Variants in DNAH17 observed in about 807,000 individuals in gnomAD.
DNAH17 encodes axonemal beta dynein heavy chain 17.
DNAH17 carries 376 observed loss-of-function variants against 485.6 expected under a neutral mutation model. The observed-to-expected ratio is 0.77, with a 90% CI of 0.71 to 0.84. DNAH17 has a LOEUF of 0.84. Ranked by LOEUF, DNAH17 falls within the 40% of genes least tolerant of loss-of-function variation. DNAH17 has a pLI of 0.00. For missense variants in DNAH17, 6,370 were observed against 5,839.3 expected (o/e 1.09, Z -2.96); for synonymous variants, 3,031 against 2,405.9 (o/e 1.26, Z -7.60).
intron 74 of DNAH17, among the ~76,000 whole-genome samples, chr17:78,437,061 C>G (rs2086872435): frequency 6.6e-6 from 1 of 152,204 alleles, no homozygotes; most frequent in South Asian, 2.1e-4. Context: ...CAACCAGCAG[C>G]CACTACAGCT....
chr17:78,539,492 T>G (rs1309106694), intron 18 of DNAH17, among the ~76,000 whole-genome samples: 2 of 152,020 alleles, frequency 1.3e-5, no homozygotes, highest in African/African-American at 4.8e-5. Context: ...TCTCTTGAGG[T>G]TTTCTGCAGC....
chr17:78,446,335 G>A (rs945839738), intron 69 of DNAH17, among the ~76,000 whole-genome samples: 7 of 151,780 alleles, frequency 4.6e-5, no homozygotes, highest in East Asian at 3.9e-4. Context: ...ACTCCCCATC[G>A]CCCCTTGCCT....
chr17:78,463,074 C>T lies in DNAH17; in HGVS notation c.8944G>A (p.Glu2982Lys), dbSNP rs1173087641. The change falls in exon 57 of 81, where the codon GAA becomes AAA. Residue 2982 changes from glutamate to lysine, a missense_variant. Glu to Lys is a moderately conservative substitution (Grantham distance 56). Coordinates refer to ENST00000389840, the MANE Select transcript of DNAH17 (RefSeq NM_173628.4). ...AAGAAGCTGATGGAGGCCTTGACTT[C>T]CCACTACAAAGATGAGACAGCCAGT... Reference protein sequence around the residue: ...FLEETEGIPWEVKASISFFMS... With the variant: ...FLEETEGIPWKVKASISFFMS... 2 of 1,613,496 alleles carry T rather than the reference C, an allele frequency of 1.2e-6. No individual in the cohort carries two copies. Among genetic ancestry groups the T allele is most frequent in the Admixed American group, 3.3e-5 (2 of 59,956 alleles).
chr17:78,554,593 A>T (rs1287308904), intron 14 of DNAH17, among the ~76,000 whole-genome samples: 1 of 152,152 alleles, frequency 6.6e-6, no homozygotes, highest in Non-Finnish European at 1.5e-5. Context: ...TCCCTTAAAT[A>T]ATAAGCACCA....
Position 78,476,649 on chromosome 17 carries a change from C to T in DNAH17, c.8077G>A (p.Gly2693Ser), listed in dbSNP as rs758787089. The T allele has an allele frequency of 8.1e-6, 13 of 1,612,626 alleles. No individual in the cohort carries two copies. Among genetic ancestry groups the T allele is most frequent in the Admixed American group, 1.7e-5 (1 of 59,802 alleles). Residue 2693 changes from glycine to serine, a missense_variant, in exon 52 of 81, where the codon GGT becomes AGT. By Grantham distance (56) the Gly-to-Ser change is moderately conservative. Transcript: ENST00000389840. Reference sequence around the variant, plus strand: ...TCTTTTTCGTCAACCATTTTGTCACCATACACTCGTTCAGTCTCATGTAGC... The same window carrying T: ...TCTTTTTCGTCAACCATTTTGTCACTATACACTCGTTCAGTCTCATGTAGC... ...LWLHETERVY[G>S]DKMVDEKDQE...
chr17:78,496,443 A>AC (rs1568154187), intron 37 of DNAH17, among the ~76,000 whole-genome samples: 1 of 122,680 alleles, frequency 8.2e-6, no homozygotes, highest in Non-Finnish European at 1.6e-5. Context: ...TAATAACAGT[A>AC]CCAGTCACAG....
Position 78,558,189 on chromosome 17 carries a change from A to T in DNAH17, c.2097T>A (p.Ser699Arg). The part of the protein sequence containing the change: ...NFQQQKEIPD[S>R]AESLFSENET... ...CGTTCTCTGAGAACAGACTCTCCGC[A>T]CTGTCTGGAATCTCTTTCTGTTGCT... Residue 699 changes from serine (S) to arginine (R), a missense_variant, in exon 14 of 81, where the codon AGT (serine) becomes AGA (arginine). Ser to Arg is a moderately radical substitution (Grantham distance 110, BLOSUM62 -1). Transcript: ENST00000389840. The T allele has an allele frequency of 6.2e-7, 1 of 1,613,844 alleles. No homozygotes were observed. The highest frequency in any genetic ancestry group is 8.5e-7 in the Non-Finnish European group (1 of 1,179,820).
rs760960985 is a variant in DNAH17, at chr17:78,455,728, G to A, written c.10086C>T (p.Phe3362=). The A allele has an allele frequency of 6.2e-6, 10 of 1,610,914 alleles. No homozygotes were observed. The highest frequency in any genetic ancestry group is 1.6e-4 in the Middle Eastern group (1 of 6,084). Residue 3362 remains phenylalanine (F), a synonymous_variant, in exon 63 of 81, where the codon TTC becomes TTT. Transcript: ENST00000389840. ...LCGDVLLISA[F]VSYVGYFTKK... ...TGGTGAAGTAGCCCACGTAGGACAC[G>A]AAGGCAGAGATGAGCAGGACGTCCC...
At chr17:78,502,038 C>G (rs2146720479) in intron 33 of DNAH17, 165 bp from the exon 34 acceptor site, 1 of 971,112 alleles carries the variant, frequency 1.0e-6, no homozygotes, top group Middle Eastern at 2.2e-4. Context: ...ACTGGTTTCA[C>G]CAGGGTGCGG....
intron 74 of DNAH17, 134 bp downstream of exon 74, chr17:78,437,507 T>C (rs2086886958): frequency 1.7e-6 from 1 of 596,896 alleles, no homozygotes; most frequent in African/African-American, 1.9e-5. Context: ...GCGAGGGGTG[T>C]GTGGACAGGG....
At chr17:78,457,906 C>T (rs1489049400) in intron 62 of DNAH17, among the ~76,000 whole-genome samples, 2 of 152,186 alleles carry the variant, frequency 1.3e-5, no homozygotes, top group Admixed American at 6.5e-5. Flanking sequence ...GGTGATCCAC[C>T]CACCTTGGCC....
intron 48 of DNAH17, 140 bp downstream of exon 48, chr17:78,484,728 C>T: frequency 2.1e-6 from 1 of 480,932 alleles, no homozygotes; most frequent in East Asian, 4.9e-5. Context: ...TCTCCCTACC[C>T]ACGTTGCAGC....
In DNAH17 at chr17:78,461,728, GA is replaced by G. The variant is rs753880031; in HGVS notation, c.9175-21del. 5 of 1,602,582 alleles carry G rather than the reference GA, an allele frequency of 3.1e-6. No homozygotes were observed. The East Asian group carries it at 1.1e-4, about 36-fold the overall frequency. On this transcript the variant is annotated intron_variant, in intron 57 of 80. Coordinates refer to ENST00000389840, the MANE Select transcript of DNAH17 (RefSeq NM_173628.4). ...ATCCACCTGGGGAAGGAGAAACCGA[GA>G]AACAGCAAGTGTGGGCCGCAGCCGA...
chr17:78,537,071 G>C (rs942407398), intron 19 of DNAH17, among the ~76,000 whole-genome samples: 2 of 151,486 alleles, frequency 1.3e-5, no homozygotes, highest in African/African-American at 4.9e-5. Flanking sequence ...CCAGCTACTC[G>C]GGACGCTGAG....
intron 1 of DNAH17, among the ~76,000 whole-genome samples, chr17:78,576,589 G>C (rs73999137): frequency 6.6e-6 from 1 of 152,114 alleles, no homozygotes; most frequent in Non-Finnish European, 1.5e-5. Context: ...TCCGAGACCC[G>C]GGGACGCGTC....
At chr17:78,491,401 G>A in intron 43 of DNAH17, 42 bp downstream of exon 43, 5 of 1,602,790 alleles carry the variant, frequency 3.1e-6, no homozygotes, top group South Asian at 1.1e-5. Flanking sequence ...CGTTGTCCCT[G>A]CCTTGGGTGG....
At chr17:78,475,959 TC>T in intron 52 of DNAH17, 126 bp from the exon 53 acceptor site, 1 of 1,097,274 alleles carries the variant, frequency 9.1e-7, no homozygotes, top group Non-Finnish European at 1.3e-6. Context: ...AGGCCAAGTC[TC>T]CAGGGGCCCA....
Position 78,466,002 on chromosome 17 carries a change from G to T in DNAH17, c.8940+653C>A, listed in dbSNP as rs201977408. The stretch of plus-strand genomic sequence containing the variant: ...GTGGAATGGAGAGGCGGGAGGGGTG[G>T]GGAAGGGATTGAGAAATCGGATGGT... On this transcript the variant is annotated intron_variant, in intron 56 of 80. Coordinates refer to ENST00000389840, the MANE Select transcript of DNAH17 (RefSeq NM_173628.4). Among the ~76,000 whole-genome samples the T allele has an allele frequency of 5.4e-3, 818 of 152,196 alleles. 5 individuals are homozygous for T. Among genetic ancestry groups the T allele is most frequent in the East Asian group, 0.019 (100 of 5,158 alleles).
At chr17:78,432,772 C>A (rs1045083396) in intron 75 of DNAH17, among the ~76,000 whole-genome samples, 2 of 152,120 alleles carry the variant, frequency 1.3e-5, no homozygotes, top group Non-Finnish European at 2.9e-5. Context: ...CTGAGACTGG[C>A]ATTGCCAGGC....
Sources: gnomAD v4.1 joint callset for allele counts (sites outside exome capture counted in the v4.1 genomes callset) on GRCh38, gnomAD v4.1.1 for gene constraint, MANE v1.5 for transcripts, NCBI Gene and HGNC (gene_info 2026-07-23, HGNC 2026-07-21) for gene names.